Variants in KIF7 observed in about 807,000 individuals in gnomAD.
KIF7 encodes kinesin family member 7.
A neutral mutation model predicts 135.7 loss-of-function variants in KIF7; 104 were observed. The ratio of observed to expected loss-of-function variants is 0.77; its 90% CI spans 0.65 to 0.90. The LOEUF (loss-of-function observed/expected upper bound fraction) is 0.90, where lower values mean the gene tolerates loss of function less well. KIF7 is among the 40% of genes least tolerant of loss of function. KIF7 has a pLI of 0.00. For synonymous variants in KIF7, 883 were observed against 809.4 expected (o/e 1.09, Z -1.54); for missense variants, 2,005 against 1,839.1 (o/e 1.09, Z -1.65).
At position 89,629,579 on chromosome 15, in the gene KIF7, C is replaced by A; in HGVS notation, c.3319-6G>T. On this transcript the variant is annotated splice_polypyrimidine_tract_variant and splice_region_variant and intron_variant, in intron 16 of 18. Transcript: ENST00000394412. ...TCCTCTCGGAGCGTCACCACCTGTC[C>A]CAAGACCCAGCCAGGCTCAGCCCTC... 1 of 1,604,498 alleles carries A rather than the reference C, an allele frequency of 6.2e-7. No homozygotes were observed. The highest frequency in any genetic ancestry group is 8.5e-7 in the Non-Finnish European group (1 of 1,179,964).
At chr15:89,627,081 T>G, downstream of KIF7, 1 of 1,613,992 alleles carries the variant, frequency 6.2e-7, no homozygotes, top group Admixed American at 1.7e-5. Context: ...GCTGGAGGAC[T>G]TATAGCCACA....
At position 89,642,356 on chromosome 15, in the gene KIF7, C is replaced by A; in HGVS notation, c.2241G>T (p.Glu747Asp). ...GCACCTGCTCTGCCTCCTGCTCCAG[C>A]TCCCGGATACGCTGGCTGTGCTGGC... Reference protein sequence around the residue: ...LNRQHSQRIRELEQEAEQVRA... With the variant: ...LNRQHSQRIRDLEQEAEQVRA... The change falls in exon 11 of 19, where the codon GAG (glutamate) becomes GAT (aspartate). Residue 747 changes from glutamate to aspartate, a missense_variant. Glu to Asp is a conservative substitution (Grantham distance 45, BLOSUM62 2). Transcript: ENST00000394412. The A allele has an allele frequency of 6.2e-7, 1 of 1,610,120 alleles. No individual in the cohort carries two copies. Among genetic ancestry groups the A allele is most frequent in the East Asian group, 2.2e-5 (1 of 44,736 alleles).
At chr15:89,643,923 A>T in intron 10 of KIF7, among the ~76,000 whole-genome samples, 1 of 149,422 alleles carries the variant, frequency 6.7e-6, no homozygotes, top group Non-Finnish European at 1.5e-5. Context: ...TAGTTTCATT[A>T]GGTGTGCTGA....
downstream of KIF7, chr15:89,625,219 A>T (rs1476494869): frequency 2.0e-5 from 32 of 1,613,658 alleles, no homozygotes; most frequent in Non-Finnish European, 2.5e-5. Context: ...ACCTGGCAAG[A>T]GCAGGGGGCA....
rs886044617 is a variant in KIF7 at position 89,629,441 on chromosome 15, G to A, written c.3451C>T (p.Arg1151Cys). The change falls in exon 17 of 19, where the codon CGC becomes TGC. Residue 1151 changes from arginine (R) to cysteine (C), a missense_variant. Physicochemically the swap from Arg to Cys is radical, Grantham distance 180. Coordinates refer to ENST00000394412, the MANE Select transcript of KIF7 (RefSeq NM_198525.3). ...TCCTTCTGCTGCAGGGTCAGCTGGC[G>A]GTCCATCTCCAGGCGCTGCCGCTCC... The part of the protein sequence containing the change: ...ALERQRLEMD[R>C]QLTLQQKEHE... 5.0e-6 allele frequency: 8 copies of A among 1,609,128 alleles called. No individual in the cohort carries two copies. The highest frequency in any genetic ancestry group is 5.9e-6 in the Non-Finnish European group (7 of 1,179,888).
rs1567060172 is a variant in KIF7 at position 89,633,839 on chromosome 15, CAG to C, written c.2437_2438del (p.Leu813ValfsTer5). 6.2e-7 allele frequency: 1 copy of C among 1,613,646 alleles called. No homozygotes were observed. Among genetic ancestry groups the C allele is most frequent in the Non-Finnish European group, 8.5e-7 (1 of 1,180,040 alleles). ...GCAGTCGCTTCTCACTCTGGGCCGA[CAG>C]TGACACCAGCCGCTCCGTAGCCTGC... ...KKQATERLVS[L>X]SAQSEKRLQE... is the part of the protein sequence containing the mutation. On this transcript the variant is annotated frameshift_variant, in exon 12 of 19. Transcript: ENST00000394412. LOFTEE classifies it high-confidence loss of function.
chr15:89,657,328 AAGAG>A (rs71151519), upstream of KIF7, among the ~76,000 whole-genome samples: 14 of 127,966 alleles, frequency 1.1e-4, no homozygotes, highest in East Asian at 2.1e-3. Context: ...AAAAAAAAAA[AAGAG>A]AGAGAGACAG....
chr15:89,658,265 A>G (rs1964226129), upstream of KIF7, among the ~76,000 whole-genome samples: 2 of 152,068 alleles, frequency 1.3e-5, no homozygotes, highest in African/African-American at 4.8e-5. Context: ...AGCCTGGGCA[A>G]CATAGCGAGA....
At chr15:89,644,523 A>C (rs1963976085) in intron 10 of KIF7, among the ~76,000 whole-genome samples, 1 of 151,564 alleles carries the variant, frequency 6.6e-6, no homozygotes, top group East Asian at 1.9e-4. Context: ...AAAAATACAA[A>C]AAAAAAAAAA....
At chr15:89,621,982 CTTTTTTTTTTTT>C (rs34123859) in intron 1 of KIF7, among the ~76,000 whole-genome samples, 3 of 87,778 alleles carry the variant, frequency 3.4e-5, no homozygotes, top group African/African-American at 1.4e-4. Context: ...CAAACTGACT[CTTTTTTTTTTTT>C]TTTTTTTTTG....
At position 89,629,362 on chromosome 15, in the gene KIF7, C is replaced by T; in HGVS notation, c.3517+13G>A. 1 of 1,578,356 alleles carries T rather than the reference C, an allele frequency of 6.3e-7. No individual in the cohort carries two copies. The highest frequency in any genetic ancestry group is 8.6e-7 in the Non-Finnish European group (1 of 1,167,510). Reference sequence around the variant, plus strand: ...GGGGGCCGGGGTTGTGAGCCATGGGCCGGGCTGCTCACCTCGACTCTGCTG... The same window carrying T: ...GGGGGCCGGGGTTGTGAGCCATGGGTCGGGCTGCTCACCTCGACTCTGCTG... On this transcript the variant is annotated intron_variant, in intron 17 of 18. Transcript: ENST00000394412.
At chr15:89,637,946 G>A (rs1292112189) in intron 11 of KIF7, among the ~76,000 whole-genome samples, 1 of 106,508 alleles carries the variant, frequency 9.4e-6, no homozygotes, top group Non-Finnish European at 2.1e-5. Context: ...ACCGAATCCA[G>A]CAGCACATCA....
At chr15:89,653,232 T>G (rs964082892) in intron 1 of KIF7, among the ~76,000 whole-genome samples, 5 of 152,188 alleles carry the variant, frequency 3.3e-5, no homozygotes, top group Non-Finnish European at 7.3e-5. Context: ...CTCTTCCCTA[T>G]GGCCCCTATG....
At position 89,629,581 on chromosome 15, in the gene KIF7, AAG is replaced by A. The variant is rs763454996; in HGVS notation, c.3319-10_3319-9del. ...CTCTCGGAGCGTCACCACCTGTCCCAAGACCCAGCCAGGCTCAGCCCTCATCA... is the reference window on the plus strand; with the variant it reads ...CTCTCGGAGCGTCACCACCTGTCCCAACCCAGCCAGGCTCAGCCCTCATCA... On this transcript the variant is annotated splice_polypyrimidine_tract_variant and intron_variant, in intron 16 of 18. Coordinates refer to ENST00000394412, the MANE Select transcript of KIF7 (RefSeq NM_198525.3). 1 of 1,604,216 alleles carries A rather than the reference AAG, an allele frequency of 6.2e-7. No homozygotes were observed. The highest frequency in any genetic ancestry group is 8.5e-7 in the Non-Finnish European group (1 of 1,179,940).
At chr15:89,639,625 TAA>T (rs1253512311) in intron 11 of KIF7, among the ~76,000 whole-genome samples, 8 of 133,322 alleles carry the variant, frequency 6.0e-5, no homozygotes. Flanking sequence ...TGGCAATCAT[TAA>T]AAAGTCAGGA....
downstream of KIF7, among the ~76,000 whole-genome samples, chr15:89,626,236 G>A (rs1392543462): frequency 1.3e-5 from 2 of 152,174 alleles, no homozygotes. Context: ...ATTAGAACTT[G>A]TGTGCATGTG....
chr15:89,645,958 A>G lies in KIF7; in HGVS notation c.1857T>C (p.Ser619=). 1 of 1,613,918 alleles carries G rather than the reference A, an allele frequency of 6.2e-7. No homozygotes were observed. The stretch of plus-strand genomic sequence containing the variant: ...CCTCTTCCTCCTCTGAAGCAGCTGA[A>G]GAGCCACTTCCCAGCCTGTTCACCT... ...LTEVNRLGSG[S]SAASEEEEEE... Residue 619 remains serine (S), a synonymous_variant, in exon 8 of 19, where the codon TCT becomes TCC. Transcript: ENST00000394412.
At chr15:89,632,616 A>G (rs1963703951) in intron 14 of KIF7, among the ~76,000 whole-genome samples, 1 of 152,152 alleles carries the variant, frequency 6.6e-6, no homozygotes, top group Non-Finnish European at 1.5e-5. Flanking sequence ...CCTGGCAGAG[A>G]TACCACCTAG....
chr15:89,659,181 T>C (rs536996937), upstream of KIF7, among the ~76,000 whole-genome samples: 2 of 152,304 alleles, frequency 1.3e-5, no homozygotes, highest in Admixed American at 1.3e-4. Context: ...ATATTTGTGA[T>C]ATTTATCCTT....
Sources: gnomAD v4.1 joint callset for allele counts (sites outside exome capture counted in the v4.1 genomes callset) on GRCh38, gnomAD v4.1.1 for gene constraint, MANE v1.5 for transcripts, NCBI Gene and HGNC (gene_info 2026-07-23, HGNC 2026-07-21) for gene names.